PTPRU: variants seen among roughly 807,000 people sequenced by gnomAD.
PTPRU encodes the protein protein tyrosine phosphatase receptor type U.
A neutral mutation model predicts 166.3 loss-of-function variants in PTPRU; 69 were observed. The observed-to-expected ratio is 0.41, with a 90% confidence interval of 0.34 to 0.51. The LOEUF (loss-of-function observed/expected upper bound fraction) is 0.51, where lower values mean the gene tolerates loss of function less well. Among genes scored for constraint, PTPRU ranks in the 20% least tolerant of loss-of-function variants. The pLI, the probability that PTPRU is intolerant of heterozygous loss-of-function variation, is 0.09. For synonymous variants in PTPRU, 793 were observed against 814.0 expected (o/e 0.97, Z 0.44); for missense variants, 1,657 against 2,013.7 (o/e 0.82, Z 3.39).
chr1:29,292,358 G>A (rs1347021483), intron 15 of PTPRU, among the ~76,000 whole-genome samples: 1 of 152,196 alleles, frequency 6.6e-6, no homozygotes, highest in Non-Finnish European at 1.5e-5. Flanking sequence ...TGGGGATACA[G>A]TGGCTGAGAG....
Position 29,236,739 on chromosome 1 carries a change from C to G in PTPRU, c.73+22C>G, listed in dbSNP as rs1683782768. 2 of 1,399,386 alleles carry G rather than the reference C, an allele frequency of 1.4e-6. No individual in the cohort carries two copies. Among genetic ancestry groups the G allele is most frequent in the South Asian group, 1.6e-5 (1 of 64,224 alleles). 86.7% of individuals were successfully genotyped at this position (1,399,386 alleles called of 1,614,324 possible). ...GCAGGTAAGCGCGCGGCGGCCGGAC[C>G]GAGCCTGCCCCGCCGAGCCTCGGGG... is the stretch of plus-strand genomic sequence containing the variant. On this transcript the variant is annotated intron_variant, in intron 1 of 29. Coordinates refer to ENST00000373779, the MANE Select transcript of PTPRU (RefSeq NM_133178.4). This position sits in a 1 kb window ranked among gnomAD's most constrained non-coding sequence, Gnocchi z 4.6.
intron 8 of PTPRU, among the ~76,000 whole-genome samples, chr1:29,277,376 T>C (rs547337537): frequency 6.6e-6 from 1 of 152,308 alleles, no homozygotes; most frequent in South Asian, 2.1e-4. Flanking sequence ...GCGGAGATTA[T>C]AGGCATGAGC....
intron 15 of PTPRU, among the ~76,000 whole-genome samples, chr1:29,295,210 A>ATT (rs879660271): frequency 7.1e-6 from 1 of 140,700 alleles, no homozygotes; most frequent in African/African-American, 2.6e-5. Flanking sequence ...TAATCTTTGC[A>ATT]TTTTTTTTTT....
intron 18 of PTPRU, among the ~76,000 whole-genome samples, chr1:29,307,349 T>C (rs941218612): frequency 6.6e-6 from 1 of 152,230 alleles, no homozygotes; most frequent in Admixed American, 6.5e-5. Flanking sequence ...GTGTTCCTAT[T>C]GTAAGCAGTT....
At position 29,238,149 on chromosome 1, in the gene PTPRU, T is replaced by C. The variant is rs1310499070; in HGVS notation, c.73+1432T>C. On this transcript the variant is annotated intron_variant, in intron 1 of 29. Transcript: ENST00000373779. The surrounding 1 kb of genome is among the most constrained non-coding windows in gnomAD (Gnocchi z 6.1). ...CGCGTTCTCCGGGTGTGTTTCGGAG[T>C]CTGGTGTCTTTGGTGTGCGTGCGCG... Among the ~76,000 whole-genome samples the C allele has an allele frequency of 6.6e-6, 1 of 151,118 alleles. No homozygotes were observed. The highest frequency in any genetic ancestry group is 2.4e-5 in the African/African-American group (1 of 41,078).
chr1:29,265,046 A>G (rs1685238725), intron 7 of PTPRU, among the ~76,000 whole-genome samples: 1 of 152,232 alleles, frequency 6.6e-6, no homozygotes, highest in Non-Finnish European at 1.5e-5. Context: ...CATTATTACA[A>G]GTAAAGCTTC....
At chr1:29,285,063 C>T (rs1686280216) in intron 14 of PTPRU, among the ~76,000 whole-genome samples, 194 bp downstream of exon 14, 1 of 152,140 alleles carries the variant, frequency 6.6e-6, no homozygotes, top group Non-Finnish European at 1.5e-5. Flanking sequence ...GATGGGGCTG[C>T]CCTGGAGTGG....
intron 29 of PTPRU, 42 bp from the exon 30 acceptor site, chr1:29,325,557 G>T: frequency 6.4e-7 from 1 of 1,574,532 alleles, no homozygotes; most frequent in East Asian, 2.2e-5. Context: ...TACTGGAGTT[G>T]GGGTCAGGCT....
chr1:29,322,278 A>G (rs1458160111), intron 26 of PTPRU, among the ~76,000 whole-genome samples: 1 of 152,216 alleles, frequency 6.6e-6, no homozygotes, highest in Non-Finnish European at 1.5e-5. Context: ...TGCAGTGGGC[A>G]GGGAGGAGAC....
intron 21 of PTPRU, 120 bp from the exon 22 acceptor site, chr1:29,312,432 C>T: frequency 3.1e-6 from 3 of 963,514 alleles, no homozygotes; most frequent in Non-Finnish European, 4.4e-6. Context: ...GTAAATTGAT[C>T]ATTGGGATTA....
chr1:29,317,680 C>T lies in PTPRU; in HGVS notation c.3514-68C>T. The T allele has an allele frequency of 6.8e-7, 1 of 1,465,912 alleles. No homozygotes were observed. Among genetic ancestry groups the T allele is most frequent in the Non-Finnish European group, 9.2e-7 (1 of 1,083,364 alleles). 90.8% of individuals were successfully genotyped at this position (1,465,912 alleles called of 1,614,324 possible). On this transcript the variant is annotated intron_variant, in intron 24 of 29. Transcript: ENST00000373779. The surrounding 1 kb of genome is among the most constrained non-coding windows in gnomAD (Gnocchi z 5.6). The stretch of plus-strand genomic sequence containing the variant: ...ATTAGTAACTCAGTCCAGCCTCCTT[C>T]ATGGGGATGTGAGGAGGCCCAGCAA...
intron 2 of PTPRU, 55 bp downstream of exon 2, chr1:29,255,461 AC>A: frequency 6.2e-7 from 1 of 1,601,176 alleles, no homozygotes; most frequent in Non-Finnish European, 8.5e-7. Flanking sequence ...AGGCACTTCT[AC>A]CCACCTGCTG....
In PTPRU at chr1:29,259,292, G is replaced by C. The variant is rs752228030; in HGVS notation, c.509G>C (p.Arg170Pro). The change falls in exon 4 of 30, where the codon CGC becomes CCC. Residue 170 changes from arginine (R) to proline (P), a missense_variant. By Grantham distance (103) the Arg-to-Pro change is moderately radical. Around this residue, in one of 3 missense-constraint regions of PTPRU, gnomAD observed 453 missense variants for 496.9 expected, o/e 0.91. Transcript: ENST00000373779. ...TTTGAGGCCCTCATCTCCCCAGACC[G>C]CAGGGGCTACATGGGCCTAGATGAC... ...VLFEALISPDRRGYMGLDDIL... is the reference protein window; with the variant it reads ...VLFEALISPDPRGYMGLDDIL... 6.2e-7 allele frequency: 1 copy of C among 1,614,040 alleles called. No homozygotes were observed.
intron 12 of PTPRU, 148 bp downstream of exon 12, chr1:29,283,097 C>T: frequency 8.6e-7 from 1 of 1,157,982 alleles, no homozygotes; most frequent in Non-Finnish European, 1.2e-6. Context: ...ATAGCTCCTC[C>T]TCCTACAGCC....
chr1:29,286,863 C>T (rs1437715995), intron 14 of PTPRU, among the ~76,000 whole-genome samples: 4 of 152,166 alleles, frequency 2.6e-5, no homozygotes, highest in Non-Finnish European at 5.9e-5. Context: ...AACCCCTCAT[C>T]CCCCATCACT....
At chr1:29,296,616 C>T (rs1429791610) in intron 15 of PTPRU, among the ~76,000 whole-genome samples, 2 of 151,260 alleles carry the variant, frequency 1.3e-5, no homozygotes, top group Non-Finnish European at 1.5e-5. Flanking sequence ...TCAAGTGATC[C>T]TCCTACCTCA....
chr1:29,293,818 G>T (rs866767798), intron 15 of PTPRU, among the ~76,000 whole-genome samples: 1 of 152,150 alleles, frequency 6.6e-6, no homozygotes, highest in Non-Finnish European at 1.5e-5. Context: ...CCCAAACAAC[G>T]CATTGTATAG....
At position 29,320,542 on chromosome 1, in the gene PTPRU, A is replaced by G; in HGVS notation, c.3688-143A>G. 1.0e-6 allele frequency: 1 copy of G among 961,050 alleles called. No homozygotes were observed. Among genetic ancestry groups the G allele is most frequent in the Non-Finnish European group, 1.4e-6 (1 of 696,420 alleles). 59.5% of individuals were successfully genotyped at this position (961,050 alleles called of 1,614,324 possible). A position where few individuals can be genotyped will look rare whatever the true frequency, so the allele number is the denominator to read the frequency against. On this transcript the variant is annotated intron_variant, in intron 25 of 29. Transcript: ENST00000373779. The surrounding 1 kb of genome is among the most constrained non-coding windows in gnomAD (Gnocchi z 5.2). ...CTCAGTGTGCCAACCAACATCAGAA[A>G]TGGCCCACTGGAGGCAGCCTGGTCC...
At position 29,305,368 on chromosome 1, in the gene PTPRU, G is replaced by A; in HGVS notation, c.2760G>A (p.Val920=). Residue 920 remains valine (V), a synonymous_variant, in exon 18 of 30, where the codon GTG becomes GTA. Coordinates refer to ENST00000373779, the MANE Select transcript of PTPRU (RefSeq NM_133178.4). Reference sequence around the variant, plus strand: ...TGTTTACAGATGATCGGCACCGAGTGAAACTGCACCCGATGCTGGGAGACC... The same window carrying A: ...TGTTTACAGATGATCGGCACCGAGTAAAACTGCACCCGATGCTGGGAGACC... ...EPMPAYDRHR[V]KLHPMLGDPN... 6.2e-7 allele frequency: 1 copy of A among 1,613,962 alleles called. No individual in the cohort carries two copies. The highest frequency in any genetic ancestry group is 8.5e-7 in the Non-Finnish European group (1 of 1,180,034).
Sources: allele counts gnomAD v4.1 joint callset (sites outside exome capture counted in the v4.1 genomes callset), GRCh38; gene constraint gnomAD v4.1.1; regional missense constraint gnomAD v4.1.1; non-coding constraint Gnocchi (gnomAD v3.1); transcripts MANE v1.5; gene names NCBI Gene and HGNC (gene_info 2026-07-23, HGNC 2026-07-21).